Variants in CNTNAP2 observed in about 807,000 individuals in gnomAD.
The protein encoded by CNTNAP2 is contactin-associated protein-like 2.
Under a neutral mutation model 155.2 loss-of-function variants are expected in CNTNAP2, and 98 were observed. The observed-to-expected ratio is 0.63, with a 90% CI of 0.54 to 0.75. The LOEUF is 0.75. CNTNAP2 is among the 30% of genes least tolerant of loss of function. The probability of loss-of-function intolerance (pLI) is 0.00; values close to 1 mark genes in which losing one functional copy is unlikely to be tolerated. For synonymous variants in CNTNAP2, 651 were observed against 631.2 expected (o/e 1.03, Z -0.47); for missense variants, 1,727 against 1,688.1 (o/e 1.02, Z -0.40).
At chr7:148,097,391 A>T (rs569889992) in intron 15 of CNTNAP2, among the ~76,000 whole-genome samples, 1 of 151,692 alleles carries the variant, frequency 6.6e-6, no homozygotes, top group South Asian at 2.1e-4. Context: ...AAAATAAAAA[A>T]ATTAAATAGT....
intron 13 of CNTNAP2, among the ~76,000 whole-genome samples, chr7:147,761,397 T>C (rs1387378514): frequency 6.6e-6 from 1 of 152,218 alleles, no homozygotes; most frequent in Non-Finnish European, 1.5e-5. Flanking sequence ...TTATAAAAAA[T>C]GACATTCAAG....
At chr7:147,381,875 A>G (rs1045154710) in intron 9 of CNTNAP2, among the ~76,000 whole-genome samples, 2 of 152,080 alleles carry the variant, frequency 1.3e-5, no homozygotes, top group Non-Finnish European at 2.9e-5. Flanking sequence ...CACAAATACT[A>G]TTAAAAAACA....
At chr7:147,437,470 C>T (rs1458889350) in intron 10 of CNTNAP2, among the ~76,000 whole-genome samples, 1 of 151,844 alleles carries the variant, frequency 6.6e-6, no homozygotes, top group Non-Finnish European at 1.5e-5. Context: ...GTCTTTTTTC[C>T]AGTGTAGGTT....
rs140130074 is a variant in CNTNAP2 at position 147,720,560 on chromosome 7, C to T, written c.2098+81254C>T. Among the ~76,000 whole-genome samples, 105 of 152,160 alleles carry T rather than the reference C, an allele frequency of 6.9e-4. 1 individual carries two copies. The highest frequency in any genetic ancestry group is 3.3e-3 in the Admixed American group (50 of 15,270). ...CAAATCTCATCTTGAATTGTAACCC[C>T]GTAATCCCCACGTGTGAAGGAAGAG... On this transcript the variant is annotated intron_variant, in intron 13 of 23. Transcript: ENST00000361727.
At chr7:147,393,930 A>AG (rs900270011) in intron 9 of CNTNAP2, among the ~76,000 whole-genome samples, 1 of 152,110 alleles carries the variant, frequency 6.6e-6, no homozygotes, top group African/African-American at 2.4e-5. Flanking sequence ...ATTAATGAAG[A>AG]GAAAAAGAAG....
At chr7:147,152,720 T>C (rs1801851450) in intron 8 of CNTNAP2, among the ~76,000 whole-genome samples, 1 of 152,150 alleles carries the variant, frequency 6.6e-6, no homozygotes, top group African/African-American at 2.4e-5. Context: ...TAGAATGCCT[T>C]CTTATTAGAC....
At position 148,363,568 on chromosome 7, in the gene CNTNAP2, T is replaced by C. The variant is rs966438701; in HGVS notation, c.3476-20081T>C. Among the ~76,000 whole-genome samples the C allele has an allele frequency of 2.6e-5, 4 of 152,206 alleles. No homozygotes were observed. The East Asian group carries it at 7.7e-4, about 29-fold the overall frequency. On this transcript the variant is annotated intron_variant, in intron 21 of 23. Transcript: ENST00000361727. The stretch of plus-strand genomic sequence containing the variant: ...TTCATGCTGGAGGAACCTCTGTACG[T>C]GTGTTTCCTTAGGGCTTTGCAATCA...
intron 1 of CNTNAP2, among the ~76,000 whole-genome samples, chr7:146,640,136 A>G (rs1320414213): frequency 2.0e-5 from 3 of 152,256 alleles, no homozygotes; most frequent in Non-Finnish European, 2.9e-5. Flanking sequence ...TTAGCTTCTC[A>G]TGAAATATCT....
At chr7:146,297,827 T>C (rs1800538345) in intron 1 of CNTNAP2, among the ~76,000 whole-genome samples, 1 of 152,180 alleles carries the variant, frequency 6.6e-6, no homozygotes, top group Admixed American at 6.6e-5. Context: ...TAACTTGTTT[T>C]CCATGTTGAA....
At chr7:147,923,610 C>T (rs73462182) in intron 14 of CNTNAP2, among the ~76,000 whole-genome samples, 3 of 151,742 alleles carry the variant, frequency 2.0e-5, no homozygotes, top group Non-Finnish European at 4.4e-5. Context: ...ATTGCCAGGG[C>T]TCCAGCAATC....
chr7:147,533,490 A>C (rs1799480157), intron 11 of CNTNAP2, among the ~76,000 whole-genome samples: 1 of 152,176 alleles, frequency 6.6e-6, no homozygotes, highest in Non-Finnish European at 1.5e-5. Flanking sequence ...CAGAAATAAA[A>C]GAAAAGTTAA....
At chr7:146,774,750 G>T (rs1439485829) in intron 2 of CNTNAP2, among the ~76,000 whole-genome samples, 1 of 152,114 alleles carries the variant, frequency 6.6e-6, no homozygotes, top group Non-Finnish European at 1.5e-5. Context: ...ATTAAAAAAA[G>T]CACTTTGTAT....
At chr7:147,435,073 C>A (rs1431152079) in intron 10 of CNTNAP2, among the ~76,000 whole-genome samples, 1 of 152,112 alleles carries the variant, frequency 6.6e-6, no homozygotes, top group Admixed American at 6.6e-5. Context: ...TCATACAACA[C>A]AGAGATCTGA....
At chr7:147,587,633 C>G (rs748296476) in intron 12 of CNTNAP2, among the ~76,000 whole-genome samples, 1 of 152,284 alleles carries the variant, frequency 6.6e-6, no homozygotes, top group South Asian at 2.1e-4. Context: ...CCAAAAGCAA[C>G]AGCAAAGATT....
chr7:146,359,998 A>G (rs2129100612), intron 1 of CNTNAP2, among the ~76,000 whole-genome samples: 1 of 152,360 alleles, frequency 6.6e-6, no homozygotes, highest in East Asian at 1.9e-4. Flanking sequence ...AAATTACCTT[A>G]GTATAAAATG....
chr7:147,000,494 T>C (rs561937621), intron 3 of CNTNAP2, among the ~76,000 whole-genome samples: 1 of 152,242 alleles, frequency 6.6e-6, no homozygotes, highest in East Asian at 1.9e-4. Flanking sequence ...TAGATACTTA[T>C]TCCAGTCTTT....
At chr7:147,476,792 G>GT (rs1347096940) in intron 10 of CNTNAP2, among the ~76,000 whole-genome samples, 1 of 152,094 alleles carries the variant, frequency 6.6e-6, no homozygotes, top group Non-Finnish European at 1.5e-5. Flanking sequence ...GCCAGGTGTG[G>GT]TGGCAGGCAC....
chr7:146,432,812 T>C (rs1481872011), intron 1 of CNTNAP2, among the ~76,000 whole-genome samples: 2 of 152,186 alleles, frequency 1.3e-5, no homozygotes, highest in African/African-American at 4.8e-5. Flanking sequence ...ATATAGTTTA[T>C]TGTGTTGATG....
chr7:146,979,534 T>C (rs1797974851), intron 3 of CNTNAP2, among the ~76,000 whole-genome samples: 1 of 152,202 alleles, frequency 6.6e-6, no homozygotes, highest in Admixed American at 6.5e-5. Context: ...TTCACAGCCT[T>C]TGTGTCTGTA....
Sources: gnomAD v4.1 joint callset for allele counts (sites outside exome capture counted in the v4.1 genomes callset) on GRCh38, gnomAD v4.1.1 for gene constraint, MANE v1.5 for transcripts, NCBI Gene and HGNC (gene_info 2026-07-23, HGNC 2026-07-21) for gene names.